SFMBT1: variants seen among roughly 807,000 people sequenced by gnomAD.
The protein encoded by SFMBT1 is Scm like with four mbt domains 1.
In SFMBT1, 32 loss-of-function variants were observed where a neutral mutation model predicts 108.7. That is an observed-to-expected ratio of 0.29 (90% CI 0.22 to 0.40). The LOEUF is 0.40. SFMBT1 is among the 10% of genes least tolerant of loss of function. The pLI is 1.00. For synonymous variants in SFMBT1, 348 were observed against 369.5 expected (o/e 0.94, Z 0.67); for missense variants, 816 against 1,059.6 (o/e 0.77, Z 3.19).
chr3:52,969,225 G>C lies in SFMBT1; in HGVS notation c.-97C>G. On this transcript the variant is annotated 5_prime_UTR_variant, in exon 2 of 21. Coordinates refer to ENST00000394752, the MANE Select transcript of SFMBT1 (RefSeq NM_016329.4). ...GATTACTTGCAGGTTTCAAGCATCT[G>C]TTCAATGGGTATCCACGGGTCCAAA... The C allele has an allele frequency of 6.3e-7, 1 of 1,579,090 alleles. No individual in the cohort carries two copies. The highest frequency in any genetic ancestry group is 1.2e-5 in the South Asian group (1 of 85,888).
chr3:52,941,007 C>T (rs1448732351), intron 4 of SFMBT1, among the ~76,000 whole-genome samples: 5 of 152,228 alleles, frequency 3.3e-5, no homozygotes, highest in Non-Finnish European at 7.4e-5. Flanking sequence ...GGCCTGTACT[C>T]TTCAAAAATG....
At chr3:52,957,021 G>A (rs954053141) in intron 2 of SFMBT1, among the ~76,000 whole-genome samples, 8 of 152,134 alleles carry the variant, frequency 5.3e-5, no homozygotes, top group African/African-American at 1.4e-4. Context: ...AATAGGAAGA[G>A]AGGAAGTCAA....
chr3:52,928,602 A>C (rs1346285104), intron 8 of SFMBT1: 1 of 93,086 alleles, frequency 1.1e-5, no homozygotes, highest in African/African-American at 3.5e-5. Flanking sequence ...ATATATATAC[A>C]TATATACATA....
Position 53,045,837 on chromosome 3 carries a change from G to GCGCT in SFMBT1, c.-156_-153dup, listed in dbSNP as rs1404763688. The GCGCT allele has an allele frequency of 6.7e-6, 1 of 150,130 alleles. No individual in the cohort carries two copies. The highest frequency in any genetic ancestry group is 1.5e-5 in the Non-Finnish European group (1 of 67,520). The allele number at this position is 150,130 out of a possible 1,614,324, so 9.3% of individuals were successfully genotyped here. A position where few individuals can be genotyped will look rare whatever the true frequency, so the allele number is the denominator to read the frequency against. On this transcript the variant is annotated 5_prime_UTR_variant, in exon 1 of 21. An upstream open reading frame in the 5' UTR loses its in-frame stop. Transcript: ENST00000394752. ...TTACCTGCCCGGAGTTTTCGCGCGC[G>GCGCT]CGCTCGCTCGATCGCTCGCTTTTCC...
chr3:52,926,011 G>A lies in SFMBT1; in HGVS notation c.1131+20C>T. 6.2e-7 allele frequency: 1 copy of A among 1,600,968 alleles called. No homozygotes were observed. Among genetic ancestry groups the A allele is most frequent in the Non-Finnish European group, 8.5e-7 (1 of 1,175,192 alleles). On this transcript the variant is annotated intron_variant, in intron 10 of 20. Coordinates refer to ENST00000394752, the MANE Select transcript of SFMBT1 (RefSeq NM_016329.4). ...CCTGCAGCCCTGCCATAGTGGCCATGAGGCCGTGGGGGTCCTCACCGGAGG... is the reference window on the plus strand; with the variant it reads ...CCTGCAGCCCTGCCATAGTGGCCATAAGGCCGTGGGGGTCCTCACCGGAGG...
chr3:52,981,224 G>T (rs1234914616), intron 1 of SFMBT1, among the ~76,000 whole-genome samples: 1 of 151,898 alleles, frequency 6.6e-6, no homozygotes, highest in East Asian at 1.9e-4. Context: ...AGCAAAGGAT[G>T]GTTTGATAAT....
chr3:53,022,923 T>C (rs1042618713), intron 1 of SFMBT1, among the ~76,000 whole-genome samples: 1 of 152,202 alleles, frequency 6.6e-6, no homozygotes, highest in African/African-American at 2.4e-5. Flanking sequence ...GCTTTATGAA[T>C]GCATTTAATA....
intron 2 of SFMBT1, among the ~76,000 whole-genome samples, chr3:52,965,014 A>T (rs1704084617): frequency 6.6e-6 from 1 of 152,208 alleles, no homozygotes; most frequent in South Asian, 2.1e-4. Context: ...CTGGCTAACC[A>T]ATGAAAATCA....
chr3:52,943,708 A>G, intron 3 of SFMBT1, 115 bp from the exon 4 acceptor site: 4 of 1,340,346 alleles, frequency 3.0e-6, no homozygotes, highest in Non-Finnish European at 4.2e-6. Flanking sequence ...TAACATCTCA[A>G]GGAAAGCCTG....
At chr3:52,926,156 C>T in intron 9 of SFMBT1, 43 bp from the exon 10 acceptor site, 1 of 1,558,498 alleles carries the variant, frequency 6.4e-7, no homozygotes, top group Non-Finnish European at 8.8e-7. Flanking sequence ...TACCACACCA[C>T]ATACGCCTGC....
At chr3:52,936,861 C>A (rs62253602) in intron 4 of SFMBT1, among the ~76,000 whole-genome samples, 1 of 150,660 alleles carries the variant, frequency 6.6e-6, no homozygotes, top group Non-Finnish European at 1.5e-5. Flanking sequence ...CTTTCTATAA[C>A]GCTGAAAATC....
chr3:52,919,939 G>A (rs1702469271), intron 12 of SFMBT1, among the ~76,000 whole-genome samples: 1 of 152,186 alleles, frequency 6.6e-6, no homozygotes, highest in Non-Finnish European at 1.5e-5. Flanking sequence ...TGGGGCCTTT[G>A]GAAGGTGATC....
Position 52,911,271 on chromosome 3 carries a change from G to A in SFMBT1, c.1731-93C>T, listed in dbSNP as rs150020523. On this transcript the variant is annotated intron_variant, in intron 16 of 20. Transcript: ENST00000394752. ...ATTAATACACCTAAAAAATATTTTT[G>A]CTTCTTGGAATATTCTATGTCCTTT... 92 of 1,338,032 alleles carry A rather than the reference G, an allele frequency of 6.9e-5. 1 individual carries two copies. The African/African-American group carries it at 1.2e-3, about 17-fold the overall frequency. 82.9% of individuals were successfully genotyped at this position (1,338,032 alleles called of 1,614,324 possible). A position where few individuals can be genotyped will look rare whatever the true frequency, so the allele number is the denominator to read the frequency against.
intron 1 of SFMBT1, among the ~76,000 whole-genome samples, chr3:53,036,909 G>A (rs1699886712): frequency 6.6e-6 from 1 of 152,170 alleles, no homozygotes; most frequent in Non-Finnish European, 1.5e-5. Flanking sequence ...TGGCTAGGGA[G>A]CAGCTCAAAG....
intron 12 of SFMBT1, 113 bp from the exon 13 acceptor site, chr3:52,918,639 GT>G (rs1702428526): frequency 1.8e-6 from 1 of 548,540 alleles, no homozygotes; most frequent in African/African-American, 2.0e-5. Context: ...GTGTGAGTGT[GT>G]GTGTATATAT....
chr3:53,037,457 A>G (rs1699903171), intron 1 of SFMBT1, among the ~76,000 whole-genome samples: 2 of 152,242 alleles, frequency 1.3e-5, no homozygotes, highest in Non-Finnish European at 2.9e-5. Context: ...ACGATAAAGA[A>G]AACTACGTAT....
At position 52,912,532 on chromosome 3, in the gene SFMBT1, A is replaced by G; in HGVS notation, c.1730+6T>C. 1 of 1,609,912 alleles carries G rather than the reference A, an allele frequency of 6.2e-7. No individual in the cohort carries two copies. The highest frequency in any genetic ancestry group is 1.1e-5 in the South Asian group (1 of 91,008). On this transcript the variant is annotated splice_donor_region_variant and intron_variant, in intron 16 of 20. Coordinates refer to ENST00000394752, the MANE Select transcript of SFMBT1 (RefSeq NM_016329.4). ...AGTAAAGAGTAAAAACAAGTAGTCC[A>G]CTCACTTGGCTTTTAGGACTTCCCC...
At chr3:52,942,814 C>A (rs1033679891) in intron 4 of SFMBT1, among the ~76,000 whole-genome samples, 5 of 152,250 alleles carry the variant, frequency 3.3e-5, no homozygotes, top group African/African-American at 9.6e-5. Flanking sequence ...CCCGCCCAGA[C>A]AACTCACGTA....
At chr3:52,971,967 G>A (rs1704362365) in intron 1 of SFMBT1, among the ~76,000 whole-genome samples, 1 of 152,254 alleles carries the variant, frequency 6.6e-6, no homozygotes, top group South Asian at 2.1e-4. Context: ...AATATTTACT[G>A]AGGACTGCCT....
Sources: allele counts gnomAD v4.1 joint callset (sites outside exome capture counted in the v4.1 genomes callset), GRCh38; gene constraint gnomAD v4.1.1; transcripts MANE v1.5; gene names NCBI Gene and HGNC (gene_info 2026-07-23, HGNC 2026-07-21).